CMSS1: variants seen among roughly 807,000 people sequenced by gnomAD.
The protein encoded by CMSS1 is protein CMSS1.
In CMSS1, 33 loss-of-function variants were observed where a neutral mutation model predicts 43.5. The observed-to-expected ratio is 0.76, with a 90% CI of 0.57 to 1.01. The LOEUF (loss-of-function observed/expected upper bound fraction) is 1.01. Among genes scored for constraint, CMSS1 ranks in the 50% least tolerant of loss-of-function variants. The probability of loss-of-function intolerance (pLI) is 0.00; values close to 1 mark genes in which losing one functional copy is unlikely to be tolerated. For synonymous variants in CMSS1, 115 were observed against 117.2 expected (o/e 0.98, Z 0.12); for missense variants, 313 against 326.4 (o/e 0.96, Z 0.32).
chr3:99,850,039 G>T (rs373504477), intron 1 of CMSS1: 1 of 1,609,344 alleles, frequency 6.2e-7, no homozygotes, highest in Admixed American at 1.7e-5. Flanking sequence ...GGACTTGAGC[G>T]CCCTTTTAGT....
chr3:99,829,911 G>C (rs1472072345), intron 1 of CMSS1, among the ~76,000 whole-genome samples: 1 of 151,938 alleles, frequency 6.6e-6, no homozygotes, highest in South Asian at 2.1e-4. Context: ...TTTCCCTCCT[G>C]GTCATAAAGA....
chr3:99,997,836 A>C (rs770192766), intron 1 of CMSS1, among the ~76,000 whole-genome samples: 7 of 152,250 alleles, frequency 4.6e-5, no homozygotes, highest in Non-Finnish European at 7.4e-5. Context: ...AATTTAACAC[A>C]TAAGTCATGC....
chr3:99,944,006 A>G (rs893842106), intron 1 of CMSS1, among the ~76,000 whole-genome samples: 5 of 152,176 alleles, frequency 3.3e-5, no homozygotes, highest in African/African-American at 1.2e-4. Context: ...GCTTATCCTA[A>G]TGGAGATGTC....
At chr3:100,000,286 C>G (rs889514767) in intron 1 of CMSS1, among the ~76,000 whole-genome samples, 16 of 152,346 alleles carry the variant, frequency 1.1e-4, no homozygotes, top group African/African-American at 3.8e-4. Context: ...GGGGCCTCCT[C>G]TATCACCTTG....
At chr3:100,117,267 A>G (rs1297203056) in intron 1 of CMSS1, among the ~76,000 whole-genome samples, 1 of 152,134 alleles carries the variant, frequency 6.6e-6, no homozygotes, top group Non-Finnish European at 1.5e-5. Flanking sequence ...TTTGATTTTA[A>G]TTCAGACAGA....
At chr3:99,926,073 A>G (rs1335525069) in intron 1 of CMSS1, among the ~76,000 whole-genome samples, 2 of 152,250 alleles carry the variant, frequency 1.3e-5, no homozygotes, top group African/African-American at 4.8e-5. Flanking sequence ...TGCCTTTGTC[A>G]TAAAAGATTT....
intron 2 of CMSS1, among the ~76,000 whole-genome samples, chr3:100,151,105 G>A (rs572523095): frequency 6.6e-6 from 1 of 151,956 alleles, no homozygotes; most frequent in South Asian, 2.1e-4. Flanking sequence ...TTTGACCATT[G>A]GTCATTTCAT....
chr3:100,011,204 A>G (rs1253509060), intron 1 of CMSS1, among the ~76,000 whole-genome samples: 1 of 152,054 alleles, frequency 6.6e-6, no homozygotes, highest in Non-Finnish European at 1.5e-5. Context: ...TCTATATTTG[A>G]TACACTTTCT....
chr3:100,129,035 A>G (rs761688174), intron 1 of CMSS1, among the ~76,000 whole-genome samples: 7 of 152,210 alleles, frequency 4.6e-5, no homozygotes, highest in Non-Finnish European at 8.8e-5. Flanking sequence ...CACCACAGTC[A>G]GTATACAGAC....
chr3:99,967,512 A>G (rs1342819835), intron 1 of CMSS1, among the ~76,000 whole-genome samples: 3 of 152,172 alleles, frequency 2.0e-5, no homozygotes, highest in African/African-American at 7.2e-5. Flanking sequence ...TTGTTCCACT[A>G]AGAGTCCCCT....
intron 1 of CMSS1, among the ~76,000 whole-genome samples, chr3:100,091,247 T>A (rs942775036): frequency 1.4e-5 from 2 of 143,346 alleles, no homozygotes; most frequent in Non-Finnish European, 3.0e-5. Flanking sequence ...ATTGCGCCAC[T>A]GCACTCCAGA....
At chr3:99,935,771 T>C (rs965371964) in intron 1 of CMSS1, among the ~76,000 whole-genome samples, 5 of 152,234 alleles carry the variant, frequency 3.3e-5, no homozygotes, top group African/African-American at 9.6e-5. Flanking sequence ...GAGAAGTAGA[T>C]CCTGCTTTGT....
intron 1 of CMSS1, among the ~76,000 whole-genome samples, chr3:100,003,855 G>A (rs1387788262): frequency 1.3e-5 from 2 of 152,094 alleles, no homozygotes; most frequent in Non-Finnish European, 2.9e-5. Context: ...AACTTTGCAT[G>A]AGTTCAACTA....
At chr3:100,069,000 A>G (rs1012492810) in intron 1 of CMSS1, among the ~76,000 whole-genome samples, 1 of 152,212 alleles carries the variant, frequency 6.6e-6, no homozygotes, top group Non-Finnish European at 1.5e-5. Context: ...GTTCTGCTCC[A>G]CAAACCCAGA....
chr3:99,876,315 C>A (rs1705518460), intron 1 of CMSS1: 4 of 555,988 alleles, frequency 7.2e-6, no homozygotes, highest in Non-Finnish European at 9.1e-6. Flanking sequence ...GCCACACACC[C>A]CAGCTCCCGC....
chr3:99,851,188 T>C (rs1017784851), intron 1 of CMSS1: 5 of 795,264 alleles, frequency 6.3e-6, no homozygotes, highest in Non-Finnish European at 9.3e-6. Flanking sequence ...TCAGTTCATA[T>C]ACAATATGCA....
rs1424319486 is a variant in CMSS1, at chr3:99,850,979, T to G, written c.64+32936T>G. The G allele has an allele frequency of 1.9e-6, 3 of 1,614,014 alleles. No individual in the cohort carries two copies. The African/African-American group carries it at 4.0e-5, about 22-fold the overall frequency. ...ATCAAAGCAAAAGACTTCAGCTTGG[T>G]CAGCTCCTCTTTCAGGGTGGTGACC... On this transcript the variant is annotated intron_variant, in intron 1 of 9. Transcript: ENST00000421999.
At chr3:100,025,376 C>T (rs2064899563) in intron 1 of CMSS1, 1 of 152,146 alleles carries the variant, frequency 6.6e-6, no homozygotes, top group African/African-American at 2.4e-5. Context: ...CTAATACCAA[C>T]TTGGGAAGAT....
intron 1 of CMSS1, among the ~76,000 whole-genome samples, chr3:100,073,913 G>T (rs187127520): frequency 2.0e-5 from 3 of 152,226 alleles, no homozygotes; most frequent in Non-Finnish European, 4.4e-5. Flanking sequence ...ATTGCCCACT[G>T]AAGTTTTCAC....
Sources: gnomAD v4.1 joint callset for allele counts (sites outside exome capture counted in the v4.1 genomes callset) on GRCh38, gnomAD v4.1.1 for gene constraint, MANE v1.5 for transcripts, NCBI Gene and HGNC (gene_info 2026-07-23, HGNC 2026-07-21) for gene names.